CENPP: variants seen among roughly 807,000 people sequenced by gnomAD.
CENPP encodes centromere protein P.
CENPP carries 24 observed loss-of-function variants against 35.6 expected under a neutral mutation model. That is an observed-to-expected ratio of 0.67 (90% CI 0.49 to 0.95). The LOEUF is 0.95. Ranked by LOEUF, CENPP falls within the 40% of genes least tolerant of loss-of-function variation. CENPP has a pLI of 0.00. For missense variants in CENPP, 332 were observed against 345.3 expected (o/e 0.96, Z 0.31); for synonymous variants, 120 against 125.5 (o/e 0.96, Z 0.29).
chr9:92,567,373 G>GAT, intron 5 of CENPP, among the ~76,000 whole-genome samples: 25,610 of 128,892 alleles, frequency 0.2, 3,267 homozygotes, highest in Non-Finnish European at 0.27. Context: ...ACATAAGATA[G>GAT]ATATATATAT....
At chr9:92,416,103 ATTT>A (rs1196539814) in intron 5 of CENPP, among the ~76,000 whole-genome samples, 1 of 128,498 alleles carries the variant, frequency 7.8e-6, no homozygotes, top group African/African-American at 2.8e-5. Context: ...TATTTATTTT[ATTT>A]TTTTTTTTTT....
rs1401395497 is a variant in CENPP, at chr9:92,434,903, T to G, written c.564+55044T>G. ...CCCATCTCTATTAAAAATACAAAAT[T>G]TAGTGGGGCGTGGTGGTGCACGCCT... On this transcript the variant is annotated intron_variant, in intron 5 of 7. Coordinates refer to ENST00000375587, the MANE Select transcript of CENPP (RefSeq NM_001012267.3). Among the ~76,000 whole-genome samples the G allele has an allele frequency of 2.6e-5, 4 of 151,754 alleles. No individual in the cohort carries two copies. In the East Asian group the frequency reaches 7.8e-4, roughly 29 times the overall value.
intron 4 of CENPP, among the ~76,000 whole-genome samples, chr9:92,357,516 T>C (rs542325882): frequency 1.3e-4 from 20 of 148,966 alleles, no homozygotes; most frequent in African/African-American, 4.9e-4. Flanking sequence ...TATTTTGAGA[T>C]GGAATTTCAC....
At chr9:92,390,589 C>T (rs535758220) in intron 5 of CENPP, among the ~76,000 whole-genome samples, 18 of 118,292 alleles carry the variant, frequency 1.5e-4, no homozygotes, top group African/African-American at 2.0e-4. Flanking sequence ...TGTGTGTGTG[C>T]GCGCGCGCGT....
intron 5 of CENPP, among the ~76,000 whole-genome samples, chr9:92,497,707 C>T (rs1435360076): frequency 6.6e-6 from 1 of 151,002 alleles, no homozygotes; most frequent in African/African-American, 2.4e-5. Flanking sequence ...TTTTTTGACC[C>T]CTCCAAATCT....
chr9:92,619,284 T>C lies in CENPP; in HGVS notation c.*6135T>C. On this transcript the variant is annotated 3_prime_UTR_variant, in exon 8 of 8. Coordinates refer to ENST00000375587, the MANE Select transcript of CENPP (RefSeq NM_001012267.3). ...AACAATCCTTTTAAGTTATTCTCCA[T>C]AAATCTGTCTTTTGACTGAATTACA... 1.8e-6 allele frequency: 1 copy of C among 563,954 alleles called. No individual in the cohort carries two copies. Among genetic ancestry groups the C allele is most frequent in the South Asian group, 2.3e-5 (1 of 43,728 alleles). 34.9% of individuals were successfully genotyped at this position (563,954 alleles called of 1,614,324 possible).
chr9:92,584,358 T>G (rs1349155036), intron 5 of CENPP, among the ~76,000 whole-genome samples: 1 of 152,158 alleles, frequency 6.6e-6, no homozygotes, highest in Non-Finnish European at 1.5e-5. Context: ...TATGTTTGTT[T>G]GTTTGTTTGA....
intron 5 of CENPP, among the ~76,000 whole-genome samples, chr9:92,391,213 G>A (rs374308102): frequency 3.3e-5 from 5 of 151,326 alleles, no homozygotes; most frequent in Admixed American, 6.6e-5. Context: ...TGGCTAACAC[G>A]GTGAAACCCC....
chr9:92,389,114 A>C (rs937978770), intron 5 of CENPP, among the ~76,000 whole-genome samples: 1 of 152,186 alleles, frequency 6.6e-6, no homozygotes, highest in Non-Finnish European at 1.5e-5. Context: ...CTTTAGAAGC[A>C]AGAAACCTTG....
chr9:92,539,783 A>G (rs1290286584), intron 5 of CENPP, among the ~76,000 whole-genome samples: 1 of 152,154 alleles, frequency 6.6e-6, no homozygotes, highest in African/African-American at 2.4e-5. Context: ...TTACTTTCCC[A>G]ATGGAATATT....
chr9:92,530,827 G>A (rs1299957342), intron 5 of CENPP, among the ~76,000 whole-genome samples: 1 of 152,100 alleles, frequency 6.6e-6, no homozygotes, highest in Non-Finnish European at 1.5e-5. Context: ...GTACCCAACA[G>A]TTTTCCAATC....
chr9:92,545,292 C>A (rs972350909), intron 5 of CENPP, among the ~76,000 whole-genome samples: 2 of 151,998 alleles, frequency 1.3e-5, no homozygotes, highest in Non-Finnish European at 2.9e-5. Flanking sequence ...GGGCGGGAAC[C>A]AGGGCTGCGT....
rs1428402568 is a variant in CENPP, at chr9:92,474,687, G to A, written c.564+94828G>A. On this transcript the variant is annotated intron_variant, in intron 5 of 7. Coordinates refer to ENST00000375587, the MANE Select transcript of CENPP (RefSeq NM_001012267.3). Reference sequence around the variant, plus strand: ...CATCCAAATGGACACATTGGAAACAGATCAAATGGAAAAAAATGGCTTCTT... The same window carrying A: ...CATCCAAATGGACACATTGGAAACAAATCAAATGGAAAAAAATGGCTTCTT... 3 of 1,613,850 alleles carry A rather than the reference G, an allele frequency of 1.9e-6. No individual in the cohort carries two copies. In the African/African-American group the frequency reaches 4.0e-5, roughly 22 times the overall value.
chr9:92,421,147 C>T (rs774340760), intron 5 of CENPP, among the ~76,000 whole-genome samples: 10 of 152,148 alleles, frequency 6.6e-5, no homozygotes, highest in Non-Finnish European at 1.2e-4. Context: ...TCAAGTGACT[C>T]TCTTACTTCA....
Position 92,550,993 on chromosome 9 carries a change from G to C in CENPP, c.565-60321G>C, listed in dbSNP as rs527362452. Among the ~76,000 whole-genome samples, 118 of 152,288 alleles carry C rather than the reference G, an allele frequency of 7.7e-4. 1 individual carries two copies. The highest frequency in any genetic ancestry group is 1.4e-3 in the Admixed American group (21 of 15,288). On this transcript the variant is annotated intron_variant, in intron 5 of 7. Coordinates refer to ENST00000375587, the MANE Select transcript of CENPP (RefSeq NM_001012267.3). ...GTTGCTTGCACTAGCAGTGTGGTCT[G>C]TCTTCAGGGTGATAGAGCCAGGGAA...
chr9:92,339,368 G>A (rs959068909), intron 3 of CENPP, among the ~76,000 whole-genome samples: 1 of 152,120 alleles, frequency 6.6e-6, no homozygotes, highest in Non-Finnish European at 1.5e-5. Flanking sequence ...TCCCTAACTA[G>A]TCCCAAGGAT....
At chr9:92,496,245 T>C (rs1461645858) in intron 5 of CENPP, 5 of 1,506,734 alleles carry the variant, frequency 3.3e-6, no homozygotes, top group Non-Finnish European at 4.4e-6. Context: ...TATGTCTCTC[T>C]TATTAATGAC....
intron 5 of CENPP, among the ~76,000 whole-genome samples, chr9:92,442,951 A>G (rs1449413707): frequency 1.3e-5 from 2 of 152,142 alleles, no homozygotes; most frequent in Non-Finnish European, 2.9e-5. Flanking sequence ...AATATCTGCC[A>G]CTAACATAAC....
At chr9:92,433,332 A>C (rs947686658) in intron 5 of CENPP, among the ~76,000 whole-genome samples, 1 of 152,184 alleles carries the variant, frequency 6.6e-6, no homozygotes, top group Non-Finnish European at 1.5e-5. Flanking sequence ...TTTTTGGAGG[A>C]GACAAACATT....
Sources: gnomAD v4.1 joint callset for allele counts (sites outside exome capture counted in the v4.1 genomes callset) on GRCh38, gnomAD v4.1.1 for gene constraint, MANE v1.5 for transcripts, NCBI Gene and HGNC (gene_info 2026-07-23, HGNC 2026-07-21) for gene names.